SYNJ1: variants seen among roughly 807,000 people sequenced by gnomAD.
SYNJ1 encodes the protein polyphosphatidylinositol phosphatase SYNJ1.
A neutral mutation model predicts 168.2 loss-of-function variants in SYNJ1; 78 were observed. The observed-to-expected ratio is 0.46, with a 90% CI of 0.39 to 0.56. The LOEUF is 0.56. Ranked by LOEUF, SYNJ1 falls within the 20% of genes least tolerant of loss-of-function variation. The pLI is 0.00. For synonymous variants in SYNJ1, 539 were observed against 548.6 expected (o/e 0.98, Z 0.24); for missense variants, 1,303 against 1,597.6 (o/e 0.82, Z 3.14).
chr21:32,631,963 G>A (rs1298058794), intron 32 of SYNJ1, among the ~76,000 whole-genome samples, 162 bp from the exon 33 acceptor site: 1 of 152,170 alleles, frequency 6.6e-6, no homozygotes, highest in East Asian at 1.9e-4. Context: ...TAAATAACAT[G>A]AAACACCTAC....
At chr21:32,716,982 C>T (rs1046407210) in intron 2 of SYNJ1, among the ~76,000 whole-genome samples, 3 of 150,962 alleles carry the variant, frequency 2.0e-5, no homozygotes, top group African/African-American at 7.3e-5. Context: ...TTTTTAGAGA[C>T]GGAGTCTTGC....
At chr21:32,661,340 C>T (rs1172701659) in intron 18 of SYNJ1, among the ~76,000 whole-genome samples, 1 of 152,174 alleles carries the variant, frequency 6.6e-6, no homozygotes, top group Admixed American at 6.5e-5. Context: ...GCTTATGGAG[C>T]GGCTCCTTTT....
At chr21:32,716,241 G>A (rs556371981) in intron 2 of SYNJ1, among the ~76,000 whole-genome samples, 15 of 152,214 alleles carry the variant, frequency 9.9e-5, no homozygotes, top group Non-Finnish European at 7.4e-5. Flanking sequence ...CACTTTGTAT[G>A]CTTCTTTCAA....
intron 2 of SYNJ1, among the ~76,000 whole-genome samples, chr21:32,717,828 C>A (rs1427379846): frequency 6.6e-6 from 1 of 152,208 alleles, no homozygotes; most frequent in Non-Finnish European, 1.5e-5. Context: ...GTACACAGCC[C>A]TGAGATTCTG....
At chr21:32,684,923 T>C (rs1210750565) in intron 9 of SYNJ1, among the ~76,000 whole-genome samples, 1 of 152,132 alleles carries the variant, frequency 6.6e-6, no homozygotes, top group Non-Finnish European at 1.5e-5. Context: ...CTCACGCCTG[T>C]AATCCCAGCA....
intron 14 of SYNJ1, among the ~76,000 whole-genome samples, chr21:32,672,681 TG>T (rs2041253351): frequency 1.3e-5 from 2 of 152,230 alleles, no homozygotes; most frequent in Admixed American, 1.3e-4. Flanking sequence ...TGTTTGGTTC[TG>T]GCTATTTATT....
intron 2 of SYNJ1, 70 bp downstream of exon 2, chr21:32,726,702 A>G: frequency 5.1e-6 from 8 of 1,568,124 alleles, no homozygotes; most frequent in Non-Finnish European, 6.9e-6. Context: ...TTTCTAAAAA[A>G]TGGTTGCATC....
Position 32,657,714 on chromosome 21 carries a change from A to G in SYNJ1, c.2461+2T>C. ...TTTAAATAAAGAAGCCCATTTCCCA[A>G]CCTGATCTATCAAAAGGCCATTTCC... On this transcript the variant is annotated splice_donor_variant, in intron 19 of 32. Coordinates refer to ENST00000674351, the MANE Select transcript of SYNJ1 (RefSeq NM_203446.3). LOFTEE classifies it high-confidence loss of function. The G allele has an allele frequency of 6.3e-7, 1 of 1,589,352 alleles. No individual in the cohort carries two copies. The highest frequency in any genetic ancestry group is 8.5e-7 in the Non-Finnish European group (1 of 1,172,150).
intron 18 of SYNJ1, among the ~76,000 whole-genome samples, chr21:32,661,289 G>A (rs956218178): frequency 1.3e-5 from 2 of 152,172 alleles, no homozygotes; most frequent in African/African-American, 2.4e-5. Context: ...TGCTGACAGC[G>A]CAATGTGAGG....
chr21:32,716,630 T>C (rs1444769606), intron 2 of SYNJ1, among the ~76,000 whole-genome samples: 1 of 152,234 alleles, frequency 6.6e-6, no homozygotes, highest in Non-Finnish European at 1.5e-5. Context: ...TGTATTTGGG[T>C]ATAGTGTTCT....
In SYNJ1 at chr21:32,666,059, G is replaced by A; in HGVS notation, c.2029C>T (p.Leu677Phe). The A allele has an allele frequency of 6.2e-7, 1 of 1,614,084 alleles. No homozygotes were observed. The highest frequency in any genetic ancestry group is 2.2e-5 in the East Asian group (1 of 44,876). The stretch of plus-strand genomic sequence containing the variant: ...AAGCAAAGGCTGGTTGTATGGAAGA[G>A]CATTCGGATTGCAACTGCTCCCTTA... ...GNKGAVAIRMLFHTTSLCFVC... is the reference protein window; with the variant it reads ...GNKGAVAIRMFFHTTSLCFVC... The change falls in exon 17 of 33, where the codon CTC becomes TTC. Residue 677 changes from leucine to phenylalanine, a missense_variant. By Grantham distance (22) the Leu-to-Phe change is conservative. This residue lies in a region of SYNJ1 where 920 missense variants were observed against 1,208.8 expected (regional missense o/e 0.76). Transcript: ENST00000674351.
chr21:32,650,721 T>C (rs2040243376), intron 22 of SYNJ1, among the ~76,000 whole-genome samples: 1 of 152,244 alleles, frequency 6.6e-6, no homozygotes, highest in African/African-American at 2.4e-5. Flanking sequence ...GTGAAACAAC[T>C]ACAAAAGAGA....
In SYNJ1 at chr21:32,645,704, G is replaced by GGGC. The variant is rs1569036028; in HGVS notation, c.3330_3332dup (p.Pro1111dup). On this transcript the variant is annotated inframe_insertion, in exon 25 of 33. Transcript: ENST00000674351. ...GGCGTGTGGGAGGGGCGACCGGGCGGGGCGGCGGCGGCCGCTTGGGCTCCA... is the reference window on the plus strand; with the variant it reads ...GGCGTGTGGGAGGGGCGACCGGGCGGGGCGGCGGCGGCGGCCGCTTGGGCTCCA... The GGGC allele has an allele frequency of 2.7e-6, 4 of 1,480,582 alleles. No individual in the cohort carries two copies. Among genetic ancestry groups the GGGC allele is most frequent in the Non-Finnish European group, 1.8e-6 (2 of 1,118,252 alleles). The allele number at this position is 1,480,582 out of a possible 1,614,324, so 91.7% of individuals were successfully genotyped here. A position where few individuals can be genotyped will look rare whatever the true frequency, so the allele number is the denominator to read the frequency against.
chr21:32,685,447 A>G (rs2146086245), intron 9 of SYNJ1, among the ~76,000 whole-genome samples: 1 of 149,268 alleles, frequency 6.7e-6, no homozygotes, highest in East Asian at 2.0e-4. Context: ...AAAAAAAAAA[A>G]AATAAGCCAG....
At chr21:32,671,903 C>T (rs902582352) in intron 14 of SYNJ1, among the ~76,000 whole-genome samples, 1 of 150,852 alleles carries the variant, frequency 6.6e-6, no homozygotes. Flanking sequence ...ACTAAAAATA[C>T]AAAAAATTAG....
chr21:32,722,198 AAAAAAAAAT>A (rs1270701962), intron 2 of SYNJ1, among the ~76,000 whole-genome samples: 12 of 113,526 alleles, frequency 1.1e-4, no homozygotes, highest in African/African-American at 4.3e-4. Flanking sequence ...AGAAAAAAAA[AAAAAAAAAT>A]ATATATATAT....
chr21:32,714,072 T>C (rs1375947851), intron 2 of SYNJ1, among the ~76,000 whole-genome samples: 1 of 152,202 alleles, frequency 6.6e-6, no homozygotes, highest in Non-Finnish European at 1.5e-5. Flanking sequence ...GTTTAAGATT[T>C]ATATACTTTT....
At chr21:32,711,108 C>T (rs1161043292) in intron 2 of SYNJ1, among the ~76,000 whole-genome samples, 1 of 152,192 alleles carries the variant, frequency 6.6e-6, no homozygotes, top group Non-Finnish European at 1.5e-5. Flanking sequence ...CTTCTTTTAA[C>T]TGAACAAATT....
chr21:32,712,346 T>C (rs937136756), intron 2 of SYNJ1, among the ~76,000 whole-genome samples: 1 of 151,930 alleles, frequency 6.6e-6, no homozygotes, highest in Admixed American at 6.6e-5. Flanking sequence ...AGAAAAAGAG[T>C]AGAGATTAGA....
Sources: allele counts gnomAD v4.1 joint callset (sites outside exome capture counted in the v4.1 genomes callset), GRCh38; gene constraint gnomAD v4.1.1; regional missense constraint gnomAD v4.1.1; transcripts MANE v1.5; gene names NCBI Gene and HGNC (gene_info 2026-07-23, HGNC 2026-07-21).